CEP112: variants seen among roughly 807,000 people sequenced by gnomAD.
CEP112 encodes centrosomal protein 112, also known as centrosomal protein of 112 kDa.
Under a neutral mutation model 153.0 loss-of-function variants are expected in CEP112, and 127 were observed. The ratio of observed to expected loss-of-function variants is 0.83; its 90% CI spans 0.72 to 0.96. The LOEUF (loss-of-function observed/expected upper bound fraction) is 0.96. Ranked by LOEUF, CEP112 falls within the 40% of genes least tolerant of loss-of-function variation. The probability of loss-of-function intolerance (pLI) is 0.00; values close to 1 mark genes in which losing one functional copy is unlikely to be tolerated. For missense variants in CEP112, 1,089 were observed against 1,101.2 expected, an observed-to-expected ratio of 0.99 and a Z score of 0.16; for synonymous variants, 358 against 374.4, an observed-to-expected ratio of 0.96 and a Z score of 0.51.
At chr17:66,151,160 T>C (rs1345165377) in intron 4 of CEP112, among the ~76,000 whole-genome samples, 1 of 152,226 alleles carries the variant, frequency 6.6e-6, no homozygotes, top group Non-Finnish European at 1.5e-5. Context: ...TGTCTTTGGC[T>C]TCCAGTGTTG....
chr17:65,993,103 C>T (rs1167913409), intron 17 of CEP112, among the ~76,000 whole-genome samples: 3 of 152,104 alleles, frequency 2.0e-5, no homozygotes, highest in African/African-American at 4.8e-5. Flanking sequence ...CACCTCACCC[C>T]CTAACAGGGC....
At chr17:66,108,037 A>C (rs963469532) in intron 6 of CEP112, among the ~76,000 whole-genome samples, 19 of 152,156 alleles carry the variant, frequency 1.2e-4, no homozygotes, top group Admixed American at 1.2e-3. Context: ...ACAAGAATAC[A>C]TATGCTGGGG....
chr17:65,745,613 C>G (rs1391365557), intron 22 of CEP112, among the ~76,000 whole-genome samples: 1 of 152,052 alleles, frequency 6.6e-6, no homozygotes, highest in African/African-American at 2.4e-5. Flanking sequence ...TAAACTATAA[C>G]TTTGTAGAAG....
At chr17:65,770,912 G>C (rs1438621457) in intron 21 of CEP112, among the ~76,000 whole-genome samples, 2 of 121,272 alleles carry the variant, frequency 1.6e-5, no homozygotes, top group African/African-American at 3.3e-5. Context: ...CTGGGCAACA[G>C]AGCAAGACTC....
At chr17:65,644,024 C>T (rs888690314) in intron 24 of CEP112, among the ~76,000 whole-genome samples, 19 of 152,158 alleles carry the variant, frequency 1.2e-4, no homozygotes, top group African/African-American at 4.6e-4. Context: ...ACAGCTTTTG[C>T]ACTATCTTGG....
At chr17:65,643,922 GC>G (rs1484606139) in intron 24 of CEP112, among the ~76,000 whole-genome samples, 2 of 152,210 alleles carry the variant, frequency 1.3e-5, no homozygotes, top group Non-Finnish European at 2.9e-5. Flanking sequence ...ACCTAGGAGG[GC>G]ACAGCACTGC....
At chr17:65,753,638 T>C (rs753451142) in intron 21 of CEP112, among the ~76,000 whole-genome samples, 1 of 152,218 alleles carries the variant, frequency 6.6e-6, no homozygotes, top group Non-Finnish European at 1.5e-5. Flanking sequence ...TTGAGGTTTA[T>C]TTGTCTTGGC....
At chr17:65,867,652 G>T (rs1306787849) in intron 20 of CEP112, among the ~76,000 whole-genome samples, 1 of 151,914 alleles carries the variant, frequency 6.6e-6, no homozygotes, top group Non-Finnish European at 1.5e-5. Flanking sequence ...TACTTTAATG[G>T]AGCCTATACA....
At chr17:66,188,629 T>A (rs2073044817) in intron 1 of CEP112, among the ~76,000 whole-genome samples, 1 of 151,608 alleles carries the variant, frequency 6.6e-6, no homozygotes, top group South Asian at 2.1e-4. Context: ...TGCATACATC[T>A]TCCATTATCT....
intron 16 of CEP112, among the ~76,000 whole-genome samples, chr17:66,015,741 G>A (rs184964433): frequency 1.3e-5 from 2 of 152,194 alleles, no homozygotes; most frequent in East Asian, 3.9e-4. Context: ...TTTTAATCTT[G>A]TATTGAGTTT....
chr17:65,879,533 T>C (rs775417779), intron 20 of CEP112, among the ~76,000 whole-genome samples: 1 of 152,184 alleles, frequency 6.6e-6, no homozygotes, highest in Non-Finnish European at 1.5e-5. Flanking sequence ...ACCATTTCCC[T>C]TTCGTAAATG....
chr17:66,049,098 C>T (rs1381345803), intron 12 of CEP112, among the ~76,000 whole-genome samples: 3 of 152,116 alleles, frequency 2.0e-5, no homozygotes, highest in African/African-American at 7.2e-5. Flanking sequence ...TGGGAATTTG[C>T]AAAGGAGAGT....
intron 21 of CEP112, among the ~76,000 whole-genome samples, chr17:65,773,060 C>A (rs77332170): frequency 6.6e-6 from 1 of 152,094 alleles, no homozygotes; most frequent in African/African-American, 2.4e-5. Context: ...TCACTGAAAC[C>A]GAGAGACCCA....
At chr17:65,821,923 A>G (rs1022151788) in intron 21 of CEP112, among the ~76,000 whole-genome samples, 1 of 152,030 alleles carries the variant, frequency 6.6e-6, no homozygotes, top group African/African-American at 2.4e-5. Flanking sequence ...ACAATGCTCT[A>G]AAAAGCTTTT....
intron 24 of CEP112, among the ~76,000 whole-genome samples, chr17:65,678,635 G>C (rs1186715307): frequency 6.6e-6 from 1 of 152,210 alleles, no homozygotes; most frequent in Non-Finnish European, 1.5e-5. Context: ...TCAGAGATCT[G>C]TGTGCTCCTG....
intron 24 of CEP112, among the ~76,000 whole-genome samples, chr17:65,649,093 C>A (rs143687165): frequency 0.036 from 4,981 of 136,678 alleles, 99 homozygotes; most frequent in Middle Eastern, 0.049. Flanking sequence ...CACACACACA[C>A]ACACACACAC....
intron 23 of CEP112, among the ~76,000 whole-genome samples, chr17:65,716,458 G>A (rs1302946461): frequency 6.6e-6 from 1 of 152,148 alleles, no homozygotes; most frequent in African/African-American, 2.4e-5. Flanking sequence ...ACTGTGCCCA[G>A]CCAGCCCTAT....
At chr17:65,638,088 G>A (rs1180768410) in intron 25 of CEP112, among the ~76,000 whole-genome samples, 1 of 152,168 alleles carries the variant, frequency 6.6e-6, no homozygotes, top group Non-Finnish European at 1.5e-5. Context: ...AGGTTATGAG[G>A]ATGACATGAA....
At chr17:65,938,695 C>G (rs552293366) in intron 18 of CEP112, among the ~76,000 whole-genome samples, 1 of 152,150 alleles carries the variant, frequency 6.6e-6, no homozygotes, top group African/African-American at 2.4e-5. Flanking sequence ...TACAGAAAAC[C>G]CTAAGGATTC....
Sources: allele counts gnomAD v4.1 joint callset (sites outside exome capture counted in the v4.1 genomes callset), GRCh38; gene constraint gnomAD v4.1.1; transcripts MANE v1.5; gene names NCBI Gene and HGNC (gene_info 2026-07-23, HGNC 2026-07-21).